The following NTN1 variants were observed in gnomAD, a reference collection of about 807,000 sequenced individuals.
NTN1 encodes netrin 1.
Under a neutral mutation model 54.2 loss-of-function variants are expected in NTN1, and 11 were observed. That is an observed-to-expected ratio of 0.20 (90% confidence interval 0.13 to 0.34). NTN1 has a LOEUF of 0.34. Ranked by LOEUF, NTN1 falls within the 10% of genes least tolerant of loss-of-function variation. NTN1 has a pLI of 1.00. For missense variants in NTN1, 740 were observed against 893.1 expected (o/e 0.83, Z 2.18); for synonymous variants, 371 against 382.0 (o/e 0.97, Z 0.33).
chr17:9,201,916 G>A (rs1309490950), intron 5 of NTN1, among the ~76,000 whole-genome samples: 1 of 151,266 alleles, frequency 6.6e-6, no homozygotes, highest in Non-Finnish European at 1.5e-5. Context: ...GGCCGGGCGT[G>A]GTGGCTCACG....
Position 9,221,087 on chromosome 17 carries a change from C to G in NTN1, c.1412-81C>G. 9.9e-7 allele frequency: 1 copy of G among 1,015,224 alleles called. No homozygotes were observed. The highest frequency in any genetic ancestry group is 1.6e-6 in the Non-Finnish European group (1 of 636,892). The allele number at this position is 1,015,224 out of a possible 1,614,324, so 62.9% of individuals were successfully genotyped here. A position where few individuals can be genotyped will look rare whatever the true frequency, so the allele number is the denominator to read the frequency against. On this transcript the variant is annotated intron_variant, in intron 5 of 6. Transcript: ENST00000173229. The surrounding 1 kb of genome is among the most constrained non-coding windows in gnomAD (Gnocchi z 4.5). Reference sequence around the variant, plus strand: ...ACAGGCCTCTGGCTATTTAGGGAGGCGGCCTCCTACTCTGCCCGCCAGCCT... The same window carrying G: ...ACAGGCCTCTGGCTATTTAGGGAGGGGGCCTCCTACTCTGCCCGCCAGCCT...
At chr17:9,042,825 C>T (rs569956413) in intron 2 of NTN1, among the ~76,000 whole-genome samples, 1 of 150,818 alleles carries the variant, frequency 6.6e-6, no homozygotes, top group East Asian at 1.9e-4. Context: ...GACCTTTTGT[C>T]ACTTTATATT....
intron 2 of NTN1, among the ~76,000 whole-genome samples, chr17:9,058,637 C>CAAGAAAAAAAAAAAAAAAAAA (rs2091986583): frequency 1.7e-5 from 1 of 58,906 alleles, no homozygotes; most frequent in Non-Finnish European, 3.0e-5. Context: ...GGTAGGCACT[C>CAAGAAAAAAAAAAAAAAAAAA]AAAAAAAAAA....
intron 1 of NTN1, 111 bp from the exon 2 acceptor site, chr17:9,022,199 CG>C (rs1567691522): frequency 3.0e-5 from 21 of 700,416 alleles, no homozygotes; most frequent in Non-Finnish European, 4.0e-5. Context: ...CAGTCGGCTG[CG>C]GGGTGGGTGC....
chr17:9,089,716 G>A (rs1398787122), intron 2 of NTN1, among the ~76,000 whole-genome samples: 1 of 152,038 alleles, frequency 6.6e-6, no homozygotes, highest in Non-Finnish European at 1.5e-5. Flanking sequence ...TTCTACCTCT[G>A]CTCATCCCAA....
intron 2 of NTN1, among the ~76,000 whole-genome samples, chr17:9,028,481 G>A (rs80308308): frequency 6.6e-6 from 1 of 152,122 alleles, no homozygotes; most frequent in Non-Finnish European, 1.5e-5. Context: ...GTGGGTCTGC[G>A]TGTTTCCAGG....
chr17:9,232,606 C>T (rs1459635518), intron 6 of NTN1, among the ~76,000 whole-genome samples: 1 of 152,162 alleles, frequency 6.6e-6, no homozygotes, highest in Non-Finnish European at 1.5e-5. Context: ...TGGGGCAGGG[C>T]CCCGGTGGCA....
intron 6 of NTN1, among the ~76,000 whole-genome samples, chr17:9,227,449 TAC>T (rs367773218): frequency 1.7e-3 from 236 of 140,754 alleles, no homozygotes; most frequent in African/African-American, 6.1e-3. Context: ...ACACATCAGA[TAC>T]ACAGACTGTC....
chr17:9,052,380 A>G (rs1039630866), intron 2 of NTN1, among the ~76,000 whole-genome samples: 1 of 152,124 alleles, frequency 6.6e-6, no homozygotes, highest in East Asian at 1.9e-4. Context: ...CGGCAGGTCC[A>G]CCTCTCAGTA....
chr17:9,119,596 G>A (rs896311115), intron 2 of NTN1, among the ~76,000 whole-genome samples: 4 of 133,994 alleles, frequency 3.0e-5, no homozygotes, highest in African/African-American at 2.5e-5. Flanking sequence ...ACTCCTGGGC[G>A]TAAATGATCC....
chr17:9,118,061 G>A (rs1031089300), intron 2 of NTN1, among the ~76,000 whole-genome samples: 8 of 152,218 alleles, frequency 5.3e-5, no homozygotes, highest in African/African-American at 1.9e-4. Context: ...CCAGGTATGT[G>A]TGACCTTGGG....
chr17:9,060,520 C>T lies in NTN1; in HGVS notation c.1018+37129C>T, dbSNP rs2091993700. On this transcript the variant is annotated intron_variant, in intron 2 of 6. Coordinates refer to ENST00000173229, the MANE Select transcript of NTN1 (RefSeq NM_004822.3). ...CCTAACTCCTGTGTTGTTCAGAGGT[C>T]AACTGTGAATTTTATAACAGAAGAT... Among the ~76,000 whole-genome samples the T allele has an allele frequency of 1.3e-5, 2 of 152,062 alleles. 1 individual carries two copies. The highest frequency in any genetic ancestry group is 4.1e-4 in the South Asian group (2 of 4,826).
intron 4 of NTN1, 83 bp downstream of exon 4, chr17:9,180,039 A>G (rs2092414071): frequency 6.8e-7 from 1 of 1,460,826 alleles, no homozygotes; most frequent in African/African-American, 1.4e-5. Flanking sequence ...ACTGATGTTC[A>G]GTGGGTTCCT....
intron 2 of NTN1, among the ~76,000 whole-genome samples, chr17:9,091,754 G>T (rs1320404503): frequency 1.3e-5 from 2 of 151,428 alleles, no homozygotes; most frequent in Non-Finnish European, 2.9e-5. Context: ...TGTCCGGCCC[G>T]TTTAGCCACT....
chr17:9,226,251 T>G (rs1171908320), intron 6 of NTN1, among the ~76,000 whole-genome samples: 2 of 151,738 alleles, frequency 1.3e-5, no homozygotes, highest in Non-Finnish European at 2.9e-5. Context: ...CGCAGGTTCC[T>G]AATTTGCTGT....
At chr17:9,141,595 C>A (rs1310904073) in intron 2 of NTN1, among the ~76,000 whole-genome samples, 1 of 151,842 alleles carries the variant, frequency 6.6e-6, no homozygotes, top group African/African-American at 2.4e-5. Flanking sequence ...AGAGACAGTA[C>A]CTAGGGAGAT....
rs1277164731 is a variant in NTN1 at position 9,022,996 on chromosome 17, C to T, written c.623C>T (p.Thr208Ile). The change falls in exon 2 of 7, where the codon ACC (threonine) becomes ATC (isoleucine). Residue 208 changes from threonine (T) to isoleucine (I), a missense_variant. Physicochemically the swap from Thr to Ile is moderately conservative, Grantham distance 89. Coordinates refer to ENST00000173229, the MANE Select transcript of NTN1 (RefSeq NM_004822.3). ...EQEAVCTDSHTDMRPLSGGLI... is the reference protein window; with the variant it reads ...EQEAVCTDSHIDMRPLSGGLI... The stretch of plus-strand genomic sequence containing the variant: ...GAGGCCGTGTGCACCGACTCGCACA[C>T]CGACATGCGCCCGCTCTCGGGCGGC... The T allele has an allele frequency of 6.2e-7, 1 of 1,609,290 alleles. No individual in the cohort carries two copies. The highest frequency in any genetic ancestry group is 1.7e-4 in the Middle Eastern group (1 of 6,054).
intron 2 of NTN1, among the ~76,000 whole-genome samples, chr17:9,127,639 CAG>C (rs1419452065): frequency 3.3e-5 from 5 of 152,064 alleles, no homozygotes; most frequent in South Asian, 2.1e-4. Context: ...ACAGTGGGCA[CAG>C]GGGGCTGGAG....
At chr17:9,053,285 C>T (rs1460232851) in intron 2 of NTN1, among the ~76,000 whole-genome samples, 3 of 152,192 alleles carry the variant, frequency 2.0e-5, no homozygotes, top group Non-Finnish European at 4.4e-5. Context: ...TAAGCCTTTC[C>T]CCTAGACCCG....
Sources: gnomAD v4.1 joint callset for allele counts (sites outside exome capture counted in the v4.1 genomes callset) on GRCh38, gnomAD v4.1.1 for gene constraint, Gnocchi (gnomAD v3.1) non-coding constraint, MANE v1.5 for transcripts, NCBI Gene and HGNC (gene_info 2026-07-23, HGNC 2026-07-21) for gene names.